AGO3: variants seen among roughly 807,000 people sequenced by gnomAD.
The protein encoded by AGO3 is protein argonaute-3.
In AGO3, 16 loss-of-function variants were observed where a neutral mutation model predicts 105.5. The ratio of observed to expected loss-of-function variants is 0.15; its 90% CI spans 0.10 to 0.23. The LOEUF (loss-of-function observed/expected upper bound fraction) is 0.23. AGO3 is among the 10% of genes least tolerant of loss of function. AGO3 has a pLI of 1.00. For synonymous variants in AGO3, 340 were observed against 367.3 expected (o/e 0.93, Z 0.85); for missense variants, 534 against 1,088.0 (o/e 0.49, Z 7.16).
chr1:36,069,117 G>A lies in AGO3; in HGVS notation c.*13372G>A, dbSNP rs1466444147. 6.6e-6 allele frequency: 1 copy of A among 152,166 alleles called. No individual in the cohort carries two copies. The highest frequency in any genetic ancestry group is 1.5e-5 in the Non-Finnish European group (1 of 68,074). 9.4% of individuals were successfully genotyped at this position (152,166 alleles called of 1,614,324 possible). A position where few individuals can be genotyped will look rare whatever the true frequency, so the allele number is the denominator to read the frequency against. ...CTCACTAAATTGTTGGAGTTCTTTT[G>A]TTCTGAGTCAGGGTCTCACTCTGTT... On this transcript the variant is annotated 3_prime_UTR_variant, in exon 19 of 19. Coordinates refer to ENST00000373191, the MANE Select transcript of AGO3 (RefSeq NM_024852.4).
At chr1:35,939,498 G>A (rs1479067592) in intron 1 of AGO3, among the ~76,000 whole-genome samples, 9 of 152,126 alleles carry the variant, frequency 5.9e-5, no homozygotes, top group Non-Finnish European at 1.3e-4. Context: ...TTCTCCTCTT[G>A]TAGAGGATGT....
chr1:35,931,034 G>A (rs113799162), upstream of AGO3: 8 of 374,896 alleles, frequency 2.1e-5, no homozygotes, highest in Middle Eastern at 6.9e-4. Flanking sequence ...GGGGCCCAGA[G>A]GCGAGGCGAG....
In AGO3 at chr1:36,008,326, T is replaced by C. The variant is rs1036208548; in HGVS notation, c.794-364T>C. Among the ~76,000 whole-genome samples the C allele has an allele frequency of 4.6e-5, 7 of 152,344 alleles. No homozygotes were observed. The South Asian group carries it at 8.3e-4, about 18-fold the overall frequency. On this transcript the variant is annotated intron_variant, in intron 6 of 18. Transcript: ENST00000373191. The surrounding 1 kb of genome is among the most constrained non-coding windows in gnomAD (Gnocchi z 5.1). The stretch of plus-strand genomic sequence containing the variant: ...AAATTATGGAATACCTTGAGAATTA[T>C]TGGATCTCCTCTTTCATTCCTCCTT...
chr1:36,051,563 T>TA (rs1282754383), intron 17 of AGO3, among the ~76,000 whole-genome samples: 1 of 151,166 alleles, frequency 6.6e-6, no homozygotes, highest in Non-Finnish European at 1.5e-5. Context: ...CTACAAAAAA[T>TA]AAAAAAATTA....
intron 14 of AGO3, among the ~76,000 whole-genome samples, chr1:36,039,011 T>C (rs1642132446): frequency 6.6e-6 from 1 of 152,202 alleles, no homozygotes; most frequent in African/African-American, 2.4e-5. Context: ...CTTATTTCTT[T>C]TCTCTTATTC....
chr1:36,012,612 T>C (rs1640673676), intron 9 of AGO3, among the ~76,000 whole-genome samples: 1 of 152,134 alleles, frequency 6.6e-6, no homozygotes, highest in African/African-American at 2.4e-5. Flanking sequence ...AAATAATTTT[T>C]AAAAGCTTTA....
chr1:35,975,808 G>A (rs1200296008), intron 5 of AGO3, among the ~76,000 whole-genome samples: 2 of 151,920 alleles, frequency 1.3e-5, no homozygotes, highest in Non-Finnish European at 2.9e-5. Context: ...GGACAAATTG[G>A]CATATTTAAG....
rs182709982 is a variant in AGO3 at position 35,995,992 on chromosome 1, A to T, written c.659-8349A>T. Among the ~76,000 whole-genome samples the T allele has an allele frequency of 1.4e-4, 21 of 152,210 alleles. No individual in the cohort carries two copies. In the East Asian group the frequency reaches 4.1e-3, roughly 29 times the overall value. The stretch of plus-strand genomic sequence containing the variant: ...CTGCACCCGGCTAGGATTTGTTAAT[A>T]AATTGAAAACCATTGCAATTAAAAG... On this transcript the variant is annotated intron_variant, in intron 5 of 18. Transcript: ENST00000373191.
intron 5 of AGO3, among the ~76,000 whole-genome samples, chr1:35,984,841 C>G (rs1647133060): frequency 2.6e-5 from 4 of 152,038 alleles, no homozygotes; most frequent in African/African-American, 9.7e-5. Context: ...CTGAGCTTAA[C>G]AAGTATAATG....
At chr1:36,048,832 G>C (rs915582327) in intron 17 of AGO3, among the ~76,000 whole-genome samples, 4 of 152,072 alleles carry the variant, frequency 2.6e-5, no homozygotes, top group African/African-American at 9.7e-5. Context: ...TGGGACTACA[G>C]GCATGCATCA....
intron 5 of AGO3, chr1:35,982,703 A>G: frequency 1.4e-6 from 1 of 715,920 alleles, no homozygotes; most frequent in Middle Eastern, 2.3e-4. Flanking sequence ...CTTTTCAATC[A>G]CTAGTTCAGG....
chr1:35,961,400 G>A (rs1201350990), intron 2 of AGO3, among the ~76,000 whole-genome samples: 2 of 152,100 alleles, frequency 1.3e-5, no homozygotes, highest in African/African-American at 4.8e-5. Flanking sequence ...ACTTTATAAG[G>A]TAGTGTAATT....
intron 11 of AGO3, among the ~76,000 whole-genome samples, chr1:36,025,787 C>G (rs531275760): frequency 2.0e-5 from 3 of 152,104 alleles, no homozygotes; most frequent in Non-Finnish European, 4.4e-5. Context: ...CCTGTAATCC[C>G]AGCACTTTGG....
chr1:35,976,023 C>A (rs182460319), intron 5 of AGO3, among the ~76,000 whole-genome samples: 5 of 151,910 alleles, frequency 3.3e-5, no homozygotes, highest in Non-Finnish European at 5.9e-5. Context: ...GCAACCTCCG[C>A]CTCCCAGGTT....
intron 6 of AGO3, among the ~76,000 whole-genome samples, chr1:36,007,868 C>T (rs1474339154): frequency 6.6e-6 from 1 of 152,142 alleles, no homozygotes; most frequent in Non-Finnish European, 1.5e-5. Context: ...TCTCGAAGAA[C>T]TTCAGCCAAC....
At chr1:35,972,855 A>AT (rs1557658922) in intron 4 of AGO3, among the ~76,000 whole-genome samples, 10 of 139,288 alleles carry the variant, frequency 7.2e-5, no homozygotes, top group East Asian at 3.8e-4. Flanking sequence ...ATTAAAAAAA[A>AT]ATTTTTTTTT....
At position 36,057,516 on chromosome 1, in the gene AGO3, A is replaced by C. The variant is rs1325751299; in HGVS notation, c.*1771A>C. The C allele has an allele frequency of 6.6e-6, 1 of 152,106 alleles. No individual in the cohort carries two copies. The highest frequency in any genetic ancestry group is 1.5e-5 in the Non-Finnish European group (1 of 68,006). The allele number at this position is 152,106 out of a possible 1,614,324, so 9.4% of individuals were successfully genotyped here. The stretch of plus-strand genomic sequence containing the variant: ...TAAGAACTGACAACTTGTTTTTGCT[A>C]TCTTTTAGTGCAATAAGCAGTTTTA... On this transcript the variant is annotated 3_prime_UTR_variant, in exon 19 of 19. Transcript: ENST00000373191.
chr1:36,046,667 TCTCC>T (rs1642487170), intron 17 of AGO3, among the ~76,000 whole-genome samples: 5 of 102,566 alleles, frequency 4.9e-5, no homozygotes, highest in Non-Finnish European at 9.1e-5. Flanking sequence ...AGGTCATACC[TCTCC>T]AGTGCCTAAA....
At position 36,003,709 on chromosome 1, in the gene AGO3, A is replaced by AATATAT. The variant is rs1235994406; in HGVS notation, c.659-607_659-602dup. 1.0e-3 allele frequency among the ~76,000 whole-genome samples: 104 copies of AATATAT among 99,410 alleles called. 1 individual carries two copies. The highest frequency in any genetic ancestry group is 1.8e-3 in the East Asian group (6 of 3,414). The allele number at this position is 99,410 out of a possible 152,430, so 65.2% of individuals were successfully genotyped here. On this transcript the variant is annotated intron_variant, in intron 5 of 18. Transcript: ENST00000373191. The stretch of plus-strand genomic sequence containing the variant: ...AAGTCTGTCTCAAAAAAAAAAAAAA[A>AATATAT]ATATATATATATATATATATATATA...
Sources: allele counts gnomAD v4.1 joint callset (sites outside exome capture counted in the v4.1 genomes callset), GRCh38; gene constraint gnomAD v4.1.1; non-coding constraint Gnocchi (gnomAD v3.1); transcripts MANE v1.5; gene names NCBI Gene and HGNC (gene_info 2026-07-23, HGNC 2026-07-21).